Variants in SRPK3 observed in about 807,000 individuals in gnomAD.
SRPK3 encodes the protein SRSF protein kinase 3, also known as SFRS protein kinase 3.
A neutral mutation model predicts 45.3 loss-of-function variants in SRPK3; 26 were observed. That is an observed-to-expected ratio of 0.57 (90% CI 0.42 to 0.80). The LOEUF (loss-of-function observed/expected upper bound fraction) is 0.80, where lower values mean the gene tolerates loss of function less well. Ranked by LOEUF, SRPK3 falls within the 30% of genes least tolerant of loss-of-function variation. SRPK3 has a pLI of 0.00. For missense variants in SRPK3, 536 were observed against 514.5 expected, an observed-to-expected ratio of 1.04 and a Z score of -0.40; for synonymous variants, 254 against 226.6, an observed-to-expected ratio of 1.12 and a Z score of -1.09.
At chrX:153,782,343 A>G in intron 5 of SRPK3, 135 bp downstream of exon 5, 1 of 515,237 alleles carries the variant, frequency 1.9e-6, no homozygotes, top group Admixed American at 3.3e-5. Flanking sequence ...CTCTGGCACG[A>G]CCCCGCCCCC....
rs1557067391 is a variant in SRPK3 at position 153,782,958 on chromosome X, G to A, written c.588G>A (p.Leu196=). The change falls in exon 7 of 15, where the codon CTG becomes CTA. Residue 196 remains leucine, a synonymous_variant. Transcript: ENST00000370101. Reference sequence around the variant, plus strand: ...TCAGGTGCGACTCTCTGCAGGTGCTGCACGGCCTGGACTACCTCCACACCA... The same window carrying A: ...TCAGGTGCGACTCTCTGCAGGTGCTACACGGCCTGGACTACCTCCACACCA... ...PCVKSIVRQV[L]HGLDYLHTKC... is the part of the protein sequence containing the mutation. The A allele has an allele frequency of 1.7e-6, 2 of 1,181,178 alleles. No homozygotes were observed. Among genetic ancestry groups the A allele is most frequent in the East Asian group, 3.0e-5 (1 of 33,283 alleles).
At chrX:153,784,710 C>G (rs2092074888) in intron 11 of SRPK3, 40 bp from the exon 12 acceptor site, 1 of 1,199,184 alleles carries the variant, frequency 8.3e-7, no homozygotes, top group Non-Finnish European at 1.1e-6. Context: ...GCAGGACAGC[C>G]TTGGCCCCAG....
chrX:153,781,405 C>A, intron 2 of SRPK3, 59 bp downstream of exon 2: 3 of 1,173,527 alleles, frequency 2.6e-6, no homozygotes, highest in Non-Finnish European at 3.4e-6. Flanking sequence ...CCAGGGCAGT[C>A]CTGGGCCCAC....
chrX:153,784,732 G>A lies in SRPK3; in HGVS notation c.1249-18G>A. The A allele has an allele frequency of 8.3e-7, 1 of 1,210,068 alleles. No individual in the cohort carries two copies. Reference sequence around the variant, plus strand: ...AGCCTTGGCCCCAGCCCGTCCCCAGGGCTCCCCTTGCTTCCAGCACAAGCA... The same window carrying A: ...AGCCTTGGCCCCAGCCCGTCCCCAGAGCTCCCCTTGCTTCCAGCACAAGCA... On this transcript the variant is annotated intron_variant, in intron 11 of 14. Coordinates refer to ENST00000370101, the MANE Select transcript of SRPK3 (RefSeq NM_014370.4).
chrX:153,782,094 T>C, intron 4 of SRPK3, 27 bp from the exon 5 acceptor site: 1 of 1,186,303 alleles, frequency 8.4e-7, no homozygotes, highest in Non-Finnish European at 1.1e-6. Flanking sequence ...GGTGGAACCA[T>C]CTGTGGCCCC....
chrX:153,782,305 G>T (rs964316906), intron 5 of SRPK3, 97 bp downstream of exon 5: 5 of 734,253 alleles, frequency 6.8e-6, no homozygotes, highest in Non-Finnish European at 1.0e-5. Context: ...CCGCACAATG[G>T]GCTTGCATCC....
rs781980370 is a variant in SRPK3 at position 153,783,996 on chromosome X, G to C, written c.930G>C (p.Gly310=). The C allele has an allele frequency of 7.5e-6, 9 of 1,199,940 alleles. No homozygotes were observed. In the African/African-American group the frequency reaches 1.2e-4, roughly 16 times the overall value. ...QAEDSGLRLD[G]GSGSTSSSGC... is the part of the protein sequence containing the mutation. ...CAGACTCTGGCTTGAGACTAGACGG[G>C]GGCAGCGGCTCCACATCCTCTTCAG... The change falls in exon 10 of 15, where the codon GGG becomes GGC. Residue 310 remains glycine, a synonymous_variant. Transcript: ENST00000370101.
In SRPK3 at chrX:153,784,382, C is replaced by T. The variant is rs1557068208; in HGVS notation, c.1236C>T (p.Asn412=). The T allele has an allele frequency of 5.0e-6, 6 of 1,210,549 alleles. No individual in the cohort carries two copies. The Admixed American group carries it at 8.7e-5, about 18-fold the overall frequency. The stretch of plus-strand genomic sequence containing the variant: ...AGATCAAGATCGCAGACCTGGGCAA[C>T]GCCTGCTGGGTGGTATGAGCAAGTG... ...KIKIKIADLG[N]ACWVHKHFTE... The change falls in exon 11 of 15, where the codon AAC becomes AAT. Residue 412 remains asparagine, a synonymous_variant. Transcript: ENST00000370101.
At position 153,783,969 on chromosome X, in the gene SRPK3, C is replaced by T; in HGVS notation, c.908-5C>T. 1 of 1,199,205 alleles carries T rather than the reference C, an allele frequency of 8.3e-7. No homozygotes were observed. The highest frequency in any genetic ancestry group is 1.1e-6 in the Non-Finnish European group (1 of 888,890). On this transcript the variant is annotated splice_polypyrimidine_tract_variant and splice_region_variant and intron_variant, in intron 9 of 14. Coordinates refer to ENST00000370101, the MANE Select transcript of SRPK3 (RefSeq NM_014370.4). ...TCAGCAGCTGCCTCCACCCCGTCTC[C>T]CCAGACTCTGGCTTGAGACTAGACG...
In SRPK3 at chrX:153,785,522, C is replaced by T. The variant is rs572196577; in HGVS notation, c.*2C>T. On this transcript the variant is annotated 3_prime_UTR_variant, in exon 15 of 15. Coordinates refer to ENST00000370101, the MANE Select transcript of SRPK3 (RefSeq NM_014370.4). ...CAGCACCCCTGGCTCAACCCCTAGG[C>T]CCGGCTGTGGCTCCACCTCCAGCTC... The T allele has an allele frequency of 1.7e-6, 2 of 1,200,370 alleles. No individual in the cohort carries two copies. The highest frequency in any genetic ancestry group is 1.8e-5 in the South Asian group (1 of 56,506).
intron 8 of SRPK3, 108 bp downstream of exon 8, chrX:153,783,359 G>A (rs1230363952): frequency 2.5e-5 from 14 of 553,807 alleles, no homozygotes; most frequent in South Asian, 6.4e-5. Flanking sequence ...GCACTCCCAC[G>A]GTGGTAATCC....
intron 6 of SRPK3, 24 bp from the exon 7 acceptor site, chrX:153,782,929 G>A (rs1198391227): frequency 1.7e-6 from 2 of 1,189,267 alleles, no homozygotes; most frequent in African/African-American, 3.5e-5. Context: ...GGAGTTGGAG[G>A]AGGTCAGGTG....
rs782469547 is a variant in SRPK3 at position 153,784,780 on chromosome X, C to T, written c.1279C>T (p.Arg427Trp). The T allele has an allele frequency of 4.1e-6, 5 of 1,210,628 alleles. No individual in the cohort carries two copies. The highest frequency in any genetic ancestry group is 1.8e-5 in the South Asian group (1 of 56,990). Residue 427 changes from arginine to tryptophan, a missense_variant, in exon 12 of 15, where the codon CGG becomes TGG. Coordinates refer to ENST00000370101, the MANE Select transcript of SRPK3 (RefSeq NM_014370.4). Reference protein sequence around the residue: ...HKHFTEDIQTRQYRAVEVLIG... With the variant: ...HKHFTEDIQTWQYRAVEVLIG... ...GCACTTCACGGAAGACATCCAGACTCGGCAGTACCGGGCCGTCGAGGTGCT... is the reference window on the plus strand; with the variant it reads ...GCACTTCACGGAAGACATCCAGACTTGGCAGTACCGGGCCGTCGAGGTGCT...
At chrX:153,783,161 T>C in intron 7 of SRPK3, 43 bp downstream of exon 7, 1 of 1,172,318 alleles carries the variant, frequency 8.5e-7, no homozygotes, top group South Asian at 1.9e-5. Context: ...CCTCTGGGCC[T>C]GAACCCCTGC....
Position 153,781,630 on chromosome X carries a change from C to T in SRPK3, c.299+17C>T. ...GGACATCCAGTGAGTGCCTCCTTCG[C>T]CTCCGGGGCCCAGCACTGGCTGGGA... is the stretch of plus-strand genomic sequence containing the variant. On this transcript the variant is annotated intron_variant, in intron 3 of 14. Coordinates refer to ENST00000370101, the MANE Select transcript of SRPK3 (RefSeq NM_014370.4). The T allele has an allele frequency of 8.3e-7, 1 of 1,205,165 alleles. No individual in the cohort carries two copies. Among genetic ancestry groups the T allele is most frequent in the South Asian group, 1.8e-5 (1 of 56,255 alleles).
chrX:153,784,888 G>GGCCAGCAGCCCACCA (rs782642091), intron 12 of SRPK3, 31 bp downstream of exon 12: 2 of 1,209,199 alleles, frequency 1.7e-6, no homozygotes, highest in East Asian at 5.9e-5. Context: ...CTGTGCCCAG[G>GGCCAGCAGCCCACCA]GCCAGCAGCC....
intron 1 of SRPK3, 24 bp downstream of exon 1, chrX:153,781,169 G>C: frequency 8.5e-7 from 1 of 1,180,486 alleles, no homozygotes; most frequent in Non-Finnish European, 1.1e-6. Flanking sequence ...GGGGCACCCG[G>C]AGCCCCTGGC....
chrX:153,783,072 C>T lies in SRPK3; in HGVS notation c.702C>T (p.Ala234=), dbSNP rs1557067463. 3.4e-6 allele frequency: 4 copies of T among 1,169,974 alleles called. No homozygotes were observed. In the South Asian group the frequency reaches 8.0e-5, roughly 23 times the overall value. Residue 234 remains alanine, a synonymous_variant, in exon 7 of 15, where the codon GCC becomes GCT. Coordinates refer to ENST00000370101, the MANE Select transcript of SRPK3 (RefSeq NM_014370.4). ...DAYIRRLAAE[A]TEWQQAGAPP... ...ACATCAGGCGCCTGGCTGCCGAGGC[C>T]ACGGAGTGGCAACAGGCAGGGGCGC...
At chrX:153,781,647 T>C in intron 3 of SRPK3, 34 bp downstream of exon 3, 1 of 1,200,462 alleles carries the variant, frequency 8.3e-7, no homozygotes, top group Non-Finnish European at 1.1e-6. Flanking sequence ...GGCCCAGCAC[T>C]GGCTGGGATC....
Sources: gnomAD v4.1 joint callset for allele counts on GRCh38, gnomAD v4.1.1 for gene constraint, MANE v1.5 for transcripts, NCBI Gene and HGNC (gene_info 2026-07-23, HGNC 2026-07-21) for gene names.